The following SEMA3A variants were observed in gnomAD, a reference collection of about 807,000 sequenced individuals.
The protein encoded by SEMA3A is semaphorin 3A.
A neutral mutation model predicts 97.9 loss-of-function variants in SEMA3A; 29 were observed. The ratio of observed to expected loss-of-function variants is 0.30; its 90% CI spans 0.22 to 0.40. SEMA3A has a LOEUF of 0.40. SEMA3A is among the 10% of genes least tolerant of loss of function. The pLI is 1.00. For missense variants in SEMA3A, 763 were observed against 951.3 expected (o/e 0.80, Z 2.60); for synonymous variants, 321 against 323.7 (o/e 0.99, Z 0.09).
rs772899851 is a variant in SEMA3A, at chr7:84,184,209, G to A, written c.112+10266C>T. Among the ~76,000 whole-genome samples, 6 of 152,162 alleles carry A rather than the reference G, an allele frequency of 3.9e-5. No homozygotes were observed. In the Middle Eastern group the frequency reaches 0.01, roughly 259 times the overall value. On this transcript the variant is annotated intron_variant, in intron 1 of 16. Coordinates refer to ENST00000265362, the MANE Select transcript of SEMA3A (RefSeq NM_006080.3). ...ACGTTTTTTTTAAAAAAATCATTTA[G>A]TCTCATTTTGTTATGTTAGATCTTA... is the stretch of plus-strand genomic sequence containing the variant.
chr7:84,136,660 T>C (rs1008332261), intron 1 of SEMA3A, among the ~76,000 whole-genome samples: 2 of 152,186 alleles, frequency 1.3e-5, no homozygotes, highest in African/African-American at 2.4e-5. Context: ...ATTGCAATCT[T>C]ATCTACCAGA....
At chr7:84,393,865 C>A (rs1374068111) in intron 1 of SEMA3A, among the ~76,000 whole-genome samples, 1 of 152,132 alleles carries the variant, frequency 6.6e-6, no homozygotes, top group African/African-American at 2.4e-5. Flanking sequence ...TAGTTTTCCA[C>A]AATTCATTCC....
intron 3 of SEMA3A, among the ~76,000 whole-genome samples, chr7:84,242,606 A>C (rs1554350559): frequency 6.6e-6 from 1 of 151,878 alleles, no homozygotes; most frequent in Non-Finnish European, 1.5e-5. Context: ...CTACTTGAAT[A>C]CCCCTTGAAT....
At chr7:84,313,370 A>ATG (rs1562898744) in intron 2 of SEMA3A, among the ~76,000 whole-genome samples, 1 of 32,220 alleles carries the variant, frequency 3.1e-5, no homozygotes, top group Non-Finnish European at 9.2e-5. Flanking sequence ...ATATATATAT[A>ATG]TATATATATA....
At chr7:84,260,956 C>T (rs973876218) in intron 3 of SEMA3A, among the ~76,000 whole-genome samples, 2 of 152,128 alleles carry the variant, frequency 1.3e-5, no homozygotes, top group African/African-American at 4.8e-5. Flanking sequence ...ACTTATGGTG[C>T]TTTGTCTGGG....
At position 84,065,585 on chromosome 7, in the gene SEMA3A, G is replaced by A. The variant is rs537471314; in HGVS notation, c.454-5027C>T. Among the ~76,000 whole-genome samples the A allele has an allele frequency of 5.4e-4, 80 of 148,830 alleles. 1 individual carries two copies. In the South Asian group the frequency reaches 9.1e-3, roughly 17 times the overall value. On this transcript the variant is annotated intron_variant, in intron 4 of 16. Coordinates refer to ENST00000265362, the MANE Select transcript of SEMA3A (RefSeq NM_006080.3). ...AGACGCAATAAGAAATGATAAAGGG[G>A]ATATCACCACTGATCCCACAGAAAT...
At chr7:84,092,129 A>C (rs1316783006) in intron 4 of SEMA3A, among the ~76,000 whole-genome samples, 2 of 152,136 alleles carry the variant, frequency 1.3e-5, no homozygotes, top group African/African-American at 4.8e-5. Context: ...ATTTTTTTAA[A>C]TGCTCCCTCT....
chr7:84,161,025 GGTT>G (rs1294773309), intron 1 of SEMA3A, among the ~76,000 whole-genome samples: 1 of 152,144 alleles, frequency 6.6e-6, no homozygotes, highest in African/African-American at 2.4e-5. Flanking sequence ...TAGGATGAAA[GGTT>G]GTTGTTGCAT....
intron 6 of SEMA3A, among the ~76,000 whole-genome samples, chr7:84,015,658 A>G (rs1369310269): frequency 6.6e-6 from 1 of 152,212 alleles, no homozygotes; most frequent in African/African-American, 2.4e-5. Flanking sequence ...TTAAGAGACC[A>G]GGAAGAGATC....
intron 3 of SEMA3A, among the ~76,000 whole-genome samples, chr7:84,216,290 A>G (rs1798754994): frequency 6.6e-6 from 1 of 152,080 alleles, no homozygotes; most frequent in Admixed American, 6.6e-5. Context: ...TATTTTTAGT[A>G]GAGACGGGGT....
At chr7:84,464,904 G>A (rs754830672) in intron 1 of SEMA3A, among the ~76,000 whole-genome samples, 1 of 152,072 alleles carries the variant, frequency 6.6e-6, no homozygotes, top group Non-Finnish European at 1.5e-5. Flanking sequence ...AGAAAGATAC[G>A]TTTAAAGTAG....
At chr7:84,268,851 C>T (rs914853517) in intron 3 of SEMA3A, among the ~76,000 whole-genome samples, 13 of 152,146 alleles carry the variant, frequency 8.5e-5, no homozygotes, top group East Asian at 3.9e-4. Context: ...AGTGTCTCCA[C>T]GCTTCTCTTG....
intron 1 of SEMA3A, among the ~76,000 whole-genome samples, chr7:84,478,286 C>T (rs1435373332): frequency 6.6e-6 from 1 of 152,058 alleles, no homozygotes; most frequent in Non-Finnish European, 1.5e-5. Context: ...AGCCATCCTC[C>T]CACACTCTAC....
chr7:84,138,217 T>A (rs1005411675), intron 1 of SEMA3A, among the ~76,000 whole-genome samples: 7 of 129,880 alleles, frequency 5.4e-5, no homozygotes, highest in Non-Finnish European at 1.2e-4. Context: ...ACTATATATA[T>A]TTTTTTTCTT....
chr7:84,052,444 G>C (rs1792721049), intron 5 of SEMA3A, among the ~76,000 whole-genome samples: 1 of 152,160 alleles, frequency 6.6e-6, no homozygotes, highest in Non-Finnish European at 1.5e-5. Flanking sequence ...TCTTGGGAGA[G>C]TGTATGTGTC....
In SEMA3A at chr7:84,194,539, A is replaced by G; in HGVS notation, c.48T>C (p.Leu16=). ...CATTCTGATAGTTTGCTCTTGCTGT[A>G]AGTAATACTCCCCAGAAAAGACAGA... ...RIVCLFWGVL[L]TARANYQNGK... is the part of the protein sequence containing the mutation. Residue 16 remains leucine, a synonymous_variant, in exon 1 of 17, where the codon CTT becomes CTC. Transcript: ENST00000265362. The G allele has an allele frequency of 1.9e-6, 3 of 1,613,490 alleles. No individual in the cohort carries two copies. Among genetic ancestry groups the G allele is most frequent in the Non-Finnish European group, 1.7e-6 (2 of 1,179,500 alleles).
At chr7:84,223,614 A>G (rs1798928759) in intron 3 of SEMA3A, among the ~76,000 whole-genome samples, 2 of 151,872 alleles carry the variant, frequency 1.3e-5, no homozygotes, top group South Asian at 4.1e-4. Flanking sequence ...GTAAGAGTTA[A>G]CCAGTTAGAA....
intron 2 of SEMA3A, among the ~76,000 whole-genome samples, chr7:84,308,840 G>A (rs1229267173): frequency 1.4e-5 from 2 of 147,938 alleles, no homozygotes; most frequent in African/African-American, 5.0e-5. Context: ...TTTTTGAGAT[G>A]GAGTTTCACC....
At chr7:84,280,049 C>T (rs961681427) in intron 3 of SEMA3A, among the ~76,000 whole-genome samples, 5 of 152,094 alleles carry the variant, frequency 3.3e-5, no homozygotes, top group African/African-American at 1.2e-4. Context: ...AGGCACATGC[C>T]ACCATGTCTG....
Sources: gnomAD v4.1 joint callset for allele counts (sites outside exome capture counted in the v4.1 genomes callset) on GRCh38, gnomAD v4.1.1 for gene constraint, MANE v1.5 for transcripts, NCBI Gene and HGNC (gene_info 2026-07-23, HGNC 2026-07-21) for gene names.